The following DNAH14 variants were observed in gnomAD, a reference collection of about 807,000 sequenced individuals.
DNAH14 encodes the protein axonemal beta dynein heavy chain 14.
In DNAH14, 478 loss-of-function variants were observed where a neutral mutation model predicts 520.9. The observed-to-expected ratio is 0.92, with a 90% CI of 0.85 to 0.99. The LOEUF is 0.99. DNAH14 is among the 50% of genes least tolerant of loss of function. The probability of loss-of-function intolerance (pLI) is 0.00; values close to 1 mark genes in which losing one functional copy is unlikely to be tolerated. For synonymous variants in DNAH14, 1,581 were observed against 1,757.2 expected (o/e 0.90, Z 2.51); for missense variants, 4,831 against 5,234.5 (o/e 0.92, Z 2.38).
chr1:225,285,233 T>G (rs946168700), intron 54 of DNAH14, among the ~76,000 whole-genome samples: 3 of 152,114 alleles, frequency 2.0e-5, no homozygotes, highest in Non-Finnish European at 4.4e-5. Flanking sequence ...TTGTGGAAAA[T>G]CCTAAGGACA....
At position 225,344,122 on chromosome 1, in the gene DNAH14, T is replaced by C. The variant is rs924157525; in HGVS notation, c.10679-1840T>C. Reference sequence around the variant, plus strand: ...AAAGACTGTGATCTTTGAGTAATAGTGGTTTTAGTAAAAATTGTTCTTGAA... The same window carrying C: ...AAAGACTGTGATCTTTGAGTAATAGCGGTTTTAGTAAAAATTGTTCTTGAA... On this transcript the variant is annotated intron_variant, in intron 69 of 85. Coordinates refer to ENST00000682510, the MANE Select transcript of DNAH14 (RefSeq NM_001367479.1). Among the ~76,000 whole-genome samples, 16 of 152,252 alleles carry C rather than the reference T, an allele frequency of 1.1e-4. No homozygotes were observed. The Middle Eastern group carries it at 0.01, about 97-fold the overall frequency.
At chr1:225,199,939 C>T (rs2086608657) in intron 38 of DNAH14, among the ~76,000 whole-genome samples, 1 of 152,090 alleles carries the variant, frequency 6.6e-6, no homozygotes. Context: ...GTATTGAAGT[C>T]CCCCATTATT....
chr1:224,987,343 A>T (rs2062714264), intron 8 of DNAH14, among the ~76,000 whole-genome samples: 1 of 152,180 alleles, frequency 6.6e-6, no homozygotes, highest in African/African-American at 2.4e-5. Flanking sequence ...AGAGAGACAG[A>T]ATTATCTCTT....
rs1161248862 is a variant in DNAH14 at position 224,946,345 on chromosome 1, C to T, written c.-33-6325C>T. Reference sequence around the variant, plus strand: ...CCATTTGCTAAGACTGTTGGAAAAGCACAGTATTAGGGTGGGAGTGACCCG... The same window carrying T: ...CCATTTGCTAAGACTGTTGGAAAAGTACAGTATTAGGGTGGGAGTGACCCG... On this transcript the variant is annotated intron_variant, in intron 1 of 85. Coordinates refer to ENST00000682510, the MANE Select transcript of DNAH14 (RefSeq NM_001367479.1). Among the ~76,000 whole-genome samples, 5 of 152,142 alleles carry T rather than the reference C, an allele frequency of 3.3e-5. No individual in the cohort carries two copies. The East Asian group carries it at 7.7e-4, about 23-fold the overall frequency.
intron 21 of DNAH14, among the ~76,000 whole-genome samples, chr1:225,090,665 C>T (rs558769814): frequency 4.1e-4 from 62 of 152,228 alleles, no homozygotes; most frequent in African/African-American, 1.4e-3. Flanking sequence ...ATTGAACAAT[C>T]ATATGCAAAA....
In DNAH14 at chr1:224,998,135, C is replaced by A. The variant is rs185295983; in HGVS notation, c.831-4648C>A. Among the ~76,000 whole-genome samples, 213 of 152,226 alleles carry A rather than the reference C, an allele frequency of 1.4e-3. 2 individuals carry two copies. Among genetic ancestry groups the A allele is most frequent in the Non-Finnish European group, 7.4e-4 (50 of 68,010 alleles). The stretch of plus-strand genomic sequence containing the variant: ...ATGTCTACAGAATCAATCTTGATAT[C>A]CCCTATTTCATTCCTGTTCCTGATA... On this transcript the variant is annotated intron_variant, in intron 8 of 85. Coordinates refer to ENST00000682510, the MANE Select transcript of DNAH14 (RefSeq NM_001367479.1).
chr1:225,322,756 T>C lies in DNAH14; in HGVS notation c.9428T>C (p.Leu3143Ser). Residue 3143 changes from leucine to serine, a missense_variant, in exon 62 of 86, where the codon TTA (leucine) becomes TCA (serine). Leu to Ser is a moderately radical substitution (Grantham distance 145, BLOSUM62 -2). Coordinates refer to ENST00000682510, the MANE Select transcript of DNAH14 (RefSeq NM_001367479.1). ...QKKPNWATAKLLLSETGFLKK... is the reference protein window; with the variant it reads ...QKKPNWATAKSLLSETGFLKK... ...AAACCTAACTGGGCAACGGCAAAGT[T>C]ACTTCTTTCAGAAACTGGTTTCCTG... 6.4e-7 allele frequency: 1 copy of C among 1,551,842 alleles called. No individual in the cohort carries two copies. Among genetic ancestry groups the C allele is most frequent in the South Asian group, 1.2e-5 (1 of 84,056 alleles).
chr1:225,278,061 GA>G (rs1186965850), intron 54 of DNAH14, among the ~76,000 whole-genome samples: 3 of 149,918 alleles, frequency 2.0e-5, no homozygotes, highest in Non-Finnish European at 4.4e-5. Context: ...TTCTCAAAAA[GA>G]ATTTTTTTTA....
intron 19 of DNAH14, 68 bp downstream of exon 19, chr1:225,080,816 C>T: frequency 7.0e-7 from 1 of 1,428,360 alleles, no homozygotes; most frequent in Non-Finnish European, 9.3e-7. Context: ...ACATCAAGAG[C>T]ATTGTCCTTG....
intron 10 of DNAH14, among the ~76,000 whole-genome samples, chr1:225,021,736 T>C (rs1478258516): frequency 6.6e-6 from 1 of 152,158 alleles, no homozygotes; most frequent in Non-Finnish European, 1.5e-5. Flanking sequence ...CTTGATGCTA[T>C]TCCTGTCAAA....
chr1:225,231,169 A>C lies in DNAH14; in HGVS notation c.6518+18A>C. On this transcript the variant is annotated intron_variant, in intron 42 of 85. Transcript: ENST00000682510. ...GAAAAGAGGTCAGTTACATTCCTTC[A>C]GAAAACATGTTTTAATAACCATTAG... The C allele has an allele frequency of 1.3e-6, 2 of 1,520,776 alleles. No homozygotes were observed. The highest frequency in any genetic ancestry group is 1.8e-6 in the Non-Finnish European group (2 of 1,128,964). The allele number at this position is 1,520,776 out of a possible 1,614,324, so 94.2% of individuals were successfully genotyped here.
chr1:224,965,064 C>A (rs1258885363), intron 5 of DNAH14, among the ~76,000 whole-genome samples: 2 of 151,966 alleles, frequency 1.3e-5, no homozygotes, highest in Admixed American at 1.3e-4. Context: ...TCATTTTTTT[C>A]TTACCCATTA....
At chr1:225,141,625 C>T (rs10495232) in intron 28 of DNAH14, among the ~76,000 whole-genome samples, 12,462 of 152,050 alleles carry the variant, frequency 0.082, 1,648 homozygotes, top group African/African-American at 0.28. Flanking sequence ...CTGATTAGGC[C>T]CTTTTGATAG....
chr1:225,265,471 C>G, intron 48 of DNAH14, 102 bp downstream of exon 48: 3 of 978,766 alleles, frequency 3.1e-6, no homozygotes, highest in Non-Finnish European at 4.3e-6. Context: ...GTGTAACACA[C>G]ATTTTTGAAC....
intron 11 of DNAH14, among the ~76,000 whole-genome samples, chr1:225,026,217 T>G (rs2066108518): frequency 6.6e-6 from 1 of 151,656 alleles, no homozygotes; most frequent in Admixed American, 6.6e-5. Flanking sequence ...AATAGTATCC[T>G]TTGGAGTAAA....
At chr1:225,199,902 G>C (rs898138657) in intron 38 of DNAH14, among the ~76,000 whole-genome samples, 1 of 152,114 alleles carries the variant, frequency 6.6e-6, no homozygotes, top group African/African-American at 2.4e-5. Flanking sequence ...CTTTCTGTCT[G>C]ATGACCTGTC....
intron 10 of DNAH14, among the ~76,000 whole-genome samples, chr1:225,023,011 T>C (rs1359274595): frequency 1.3e-5 from 2 of 152,064 alleles, no homozygotes; most frequent in Admixed American, 1.3e-4. Context: ...ATACCACATA[T>C]CTTCACATAT....
chr1:225,141,782 C>G (rs2079486756), intron 28 of DNAH14, among the ~76,000 whole-genome samples: 1 of 152,120 alleles, frequency 6.6e-6, no homozygotes, highest in Admixed American at 6.6e-5. Flanking sequence ...CAGCCAGCTC[C>G]CTAACTCAAA....
At chr1:225,201,771 A>C (rs1252639152) in intron 38 of DNAH14, among the ~76,000 whole-genome samples, 1 of 152,022 alleles carries the variant, frequency 6.6e-6, no homozygotes, top group South Asian at 2.1e-4. Context: ...GGAAGTGGCA[A>C]GGGGATAAAA....
Sources: allele counts gnomAD v4.1 joint callset (sites outside exome capture counted in the v4.1 genomes callset), GRCh38; gene constraint gnomAD v4.1.1; transcripts MANE v1.5; gene names NCBI Gene and HGNC (gene_info 2026-07-23, HGNC 2026-07-21).